Variants in PLCB4 observed in about 807,000 individuals in gnomAD.
PLCB4 encodes phospholipase C beta 4, also known as 1-phosphatidylinositol 4,5-bisphosphate phosphodiesterase beta-4.
A neutral mutation model predicts 178.8 loss-of-function variants in PLCB4; 77 were observed. The ratio of observed to expected loss-of-function variants is 0.43; its 90% CI spans 0.36 to 0.52. PLCB4 has a LOEUF of 0.52. PLCB4 is among the 20% of genes least tolerant of loss of function. The pLI, the probability that PLCB4 is intolerant of heterozygous loss-of-function variation, is 0.00. For synonymous variants in PLCB4, 496 were observed against 490.8 expected (o/e 1.01, Z -0.14); for missense variants, 1,024 against 1,453.4 (o/e 0.70, Z 4.80).
At chr20:9,204,782 C>T (rs1467397149) in intron 2 of PLCB4, among the ~76,000 whole-genome samples, 2 of 152,032 alleles carry the variant, frequency 1.3e-5, no homozygotes, top group African/African-American at 4.8e-5. Context: ...GCTTAAAGAA[C>T]TTTTGCCGCC....
chr20:9,273,485 T>A (rs954739277), intron 3 of PLCB4, among the ~76,000 whole-genome samples: 1 of 152,138 alleles, frequency 6.6e-6, no homozygotes, highest in African/African-American at 2.4e-5. Context: ...ACTGGTCAGA[T>A]GGAAGAAGCA....
chr20:9,393,353 A>C (rs530023287), intron 17 of PLCB4, among the ~76,000 whole-genome samples: 1 of 152,306 alleles, frequency 6.6e-6, no homozygotes, highest in Non-Finnish European at 1.5e-5. Flanking sequence ...AGGTTGGAGC[A>C]GCTCTGCACA....
intron 33 of PLCB4, among the ~76,000 whole-genome samples, chr20:9,455,694 C>G (rs1236072224): frequency 6.6e-6 from 1 of 152,180 alleles, no homozygotes; most frequent in Non-Finnish European, 1.5e-5. Flanking sequence ...GCACTCCTAG[C>G]AGGCTCTTCA....
intron 35 of PLCB4, among the ~76,000 whole-genome samples, chr20:9,462,681 A>G (rs1283175266): frequency 6.6e-6 from 1 of 152,356 alleles, no homozygotes; most frequent in East Asian, 1.9e-4. Context: ...TTGAAGATCA[A>G]ATTAATGAAA....
chr20:9,406,198 T>A (rs915789539), intron 21 of PLCB4, among the ~76,000 whole-genome samples: 2 of 152,138 alleles, frequency 1.3e-5, no homozygotes, highest in Non-Finnish European at 1.5e-5. Context: ...TGGGTAGGAC[T>A]CTAATCCTCA....
intron 35 of PLCB4, among the ~76,000 whole-genome samples, chr20:9,467,597 G>A (rs1450851439): frequency 6.6e-6 from 1 of 152,146 alleles, no homozygotes. Flanking sequence ...AGCAACGTTT[G>A]GTCATTGGTG....
At chr20:9,459,842 C>G in intron 35 of PLCB4, 32 bp downstream of exon 35, 1 of 1,488,114 alleles carries the variant, frequency 6.7e-7, no homozygotes, top group East Asian at 2.3e-5. Flanking sequence ...GAGTAAACAT[C>G]TAATATTTAA....
intron 36 of PLCB4, among the ~76,000 whole-genome samples, chr20:9,469,356 G>A (rs1174657120): frequency 6.6e-6 from 1 of 152,224 alleles, no homozygotes; most frequent in Admixed American, 6.5e-5. Flanking sequence ...CTGCTCAGGT[G>A]TCAGTCCGTT....
At chr20:9,372,172 T>A in intron 10 of PLCB4, 131 bp from the exon 11 acceptor site, 1 of 592,382 alleles carries the variant, frequency 1.7e-6, no homozygotes, top group East Asian at 2.9e-5. Flanking sequence ...CCTCCTGGCT[T>A]CTGTCAGCAG....
chr20:9,418,290 G>A (rs2040390799), intron 25 of PLCB4, among the ~76,000 whole-genome samples: 1 of 152,020 alleles, frequency 6.6e-6, no homozygotes, highest in African/African-American at 2.4e-5. Context: ...TTTGGCTCTT[G>A]CATTTAGTTA....
In PLCB4 at chr20:9,085,067, A is replaced by AAAAAAG. The variant is rs10626848; in HGVS notation, c.-134-11219_-134-11218insAAAAGA. On this transcript the variant is annotated intron_variant, in intron 1 of 39. Transcript: ENST00000378473. ...GACTCCATCTCAAAAAAAAAAAAAA[A>AAAAAAG]AGAATATATTACTTTTTCTTTTTCC... 1.4e-4 allele frequency among the ~76,000 whole-genome samples: 20 copies of AAAAAAG among 143,432 alleles called. 2 individuals are homozygous for AAAAAAG. The highest frequency in any genetic ancestry group is 1.8e-4 in the Non-Finnish European group (12 of 65,706). The allele number at this position is 143,432 out of a possible 152,430, so 94.1% of individuals were successfully genotyped here. A position where few individuals can be genotyped will look rare whatever the true frequency, so the allele number is the denominator to read the frequency against.
At chr20:9,473,923 A>T (rs2044362021) in intron 38 of PLCB4, among the ~76,000 whole-genome samples, 1 of 152,148 alleles carries the variant, frequency 6.6e-6, no homozygotes, top group South Asian at 2.1e-4. Context: ...ATACACAAAT[A>T]AAGAGTTATC....
chr20:9,476,579 G>A (rs979364708), intron 38 of PLCB4, 138 bp from the exon 39 acceptor site: 49 of 622,090 alleles, frequency 7.9e-5, no homozygotes, highest in African/African-American at 7.5e-4. Flanking sequence ...TGAGGGGTGT[G>A]TACATGTTTT....
chr20:9,085,291 A>C (rs1028671841), intron 1 of PLCB4, among the ~76,000 whole-genome samples: 5 of 152,122 alleles, frequency 3.3e-5, no homozygotes, highest in African/African-American at 1.2e-4. Flanking sequence ...AGTCACATGA[A>C]ATGACCACTG....
chr20:9,135,855 G>A (rs895732285), intron 2 of PLCB4, among the ~76,000 whole-genome samples: 4 of 152,000 alleles, frequency 2.6e-5, no homozygotes, highest in African/African-American at 9.7e-5. Context: ...CCTAGTACTG[G>A]GACACATAAT....
intron 4 of PLCB4, among the ~76,000 whole-genome samples, chr20:9,319,470 G>A (rs1333041217): frequency 6.6e-6 from 1 of 152,024 alleles, no homozygotes; most frequent in Non-Finnish European, 1.5e-5. Flanking sequence ...ATGAAGGATT[G>A]GCTTACACAA....
intron 3 of PLCB4, among the ~76,000 whole-genome samples, chr20:9,272,272 G>T (rs2094411420): frequency 6.6e-6 from 1 of 151,996 alleles, no homozygotes; most frequent in Non-Finnish European, 1.5e-5. Context: ...CTTTGTTGCT[G>T]TTGCAATGAG....
chr20:9,119,102 T>C (rs1364046200), intron 2 of PLCB4, among the ~76,000 whole-genome samples: 2 of 152,216 alleles, frequency 1.3e-5, no homozygotes, highest in African/African-American at 4.8e-5. Flanking sequence ...CTTAGACTAA[T>C]AGTCACATTT....
chr20:9,237,304 C>A (rs774531335), intron 3 of PLCB4, among the ~76,000 whole-genome samples: 1 of 152,010 alleles, frequency 6.6e-6, no homozygotes, highest in African/African-American at 2.4e-5. Context: ...TCCCCCAACC[C>A]ACACCCCCAT....
Sources: allele counts gnomAD v4.1 joint callset (sites outside exome capture counted in the v4.1 genomes callset), GRCh38; gene constraint gnomAD v4.1.1; transcripts MANE v1.5; gene names NCBI Gene and HGNC (gene_info 2026-07-23, HGNC 2026-07-21).